LMO1: variants seen among roughly 807,000 people sequenced by gnomAD.
The protein encoded by LMO1 is rhombotin-1.
Under a neutral mutation model 18.0 loss-of-function variants are expected in LMO1, and 10 were observed. The observed-to-expected ratio is 0.55, with a 90% CI of 0.34 to 0.94. The LOEUF (loss-of-function observed/expected upper bound fraction) is 0.94, where lower values mean the gene tolerates loss of function less well. LMO1 is among the 40% of genes least tolerant of loss of function. The pLI is 0.02. For missense variants in LMO1, 183 were observed against 205.7 expected, an observed-to-expected ratio of 0.89 and a Z score of 0.68; for synonymous variants, 77 against 77.9, an observed-to-expected ratio of 0.99 and a Z score of 0.06.
intron 1 of LMO1, among the ~76,000 whole-genome samples, chr11:8,236,338 A>T (rs1345249309): frequency 6.6e-6 from 1 of 151,540 alleles, no homozygotes; most frequent in Admixed American, 6.6e-5. Context: ...CCACAGGCAC[A>T]TACCACCAAG....
chr11:8,240,054 C>A (rs2134548031), intron 1 of LMO1, among the ~76,000 whole-genome samples: 1 of 152,292 alleles, frequency 6.6e-6, no homozygotes, highest in African/African-American at 2.4e-5. Context: ...ACCCTGCCTG[C>A]TGTGTCCCAG....
chr11:8,232,647 C>T (rs759236014), intron 1 of LMO1, among the ~76,000 whole-genome samples: 4 of 152,186 alleles, frequency 2.6e-5, no homozygotes, highest in African/African-American at 9.7e-5. Flanking sequence ...ACAAGGCTCA[C>T]GTTCCTTTTG....
intron 1 of LMO1, among the ~76,000 whole-genome samples, chr11:8,256,240 T>G (rs986691989): frequency 6.6e-6 from 1 of 152,218 alleles, no homozygotes. Context: ...GAGAGCAATG[T>G]CAATTCATAC....
At chr11:8,239,617 C>G (rs1162621144) in intron 1 of LMO1, among the ~76,000 whole-genome samples, 1 of 152,026 alleles carries the variant, frequency 6.6e-6, no homozygotes, top group Non-Finnish European at 1.5e-5. Context: ...AACCAACAGC[C>G]AGGGCCTTGT....
At chr11:8,238,663 T>C (rs1352010558) in intron 1 of LMO1, among the ~76,000 whole-genome samples, 2 of 99,460 alleles carry the variant, frequency 2.0e-5, no homozygotes, top group Non-Finnish European at 1.9e-5. Context: ...AGAGTGAGAC[T>C]CCATCTCAAA....
At chr11:8,228,013 C>G (rs939060168) in intron 2 of LMO1, among the ~76,000 whole-genome samples, 3 of 152,254 alleles carry the variant, frequency 2.0e-5, no homozygotes, top group Non-Finnish European at 2.9e-5. Context: ...GACAAACTCA[C>G]TGTGTTACTT....
In LMO1 at chr11:8,258,102, T is replaced by A. The variant is rs114862984; in HGVS notation, c.25+5236A>T. Among the ~76,000 whole-genome samples, 815 of 152,284 alleles carry A rather than the reference T, an allele frequency of 5.4e-3. 6 individuals are homozygous for A. The highest frequency in any genetic ancestry group is 0.019 in the African/African-American group (779 of 41,548). Reference sequence around the variant, plus strand: ...GTGGACATGGAACACAAAATCACAGTGGACATATTGGACCTACATAGCTTA... The same window carrying A: ...GTGGACATGGAACACAAAATCACAGAGGACATATTGGACCTACATAGCTTA... On this transcript the variant is annotated intron_variant, in intron 1 of 3. Transcript: ENST00000335790.
Position 8,226,793 on chromosome 11 carries a change from T to C in LMO1, c.365+182A>G, listed in dbSNP as rs906139708. ...CAATATTAAAGTGCACACATTTGGC[T>C]ACCGAGCTTACACACACATAAAACA... On this transcript the variant is annotated intron_variant, in intron 3 of 3. Transcript: ENST00000335790. 3 of 1,171,482 alleles carry C rather than the reference T, an allele frequency of 2.6e-6. No homozygotes were observed. The African/African-American group carries it at 4.6e-5, about 18-fold the overall frequency. The allele number at this position is 1,171,482 out of a possible 1,614,324, so 72.6% of individuals were successfully genotyped here.
upstream of LMO1, among the ~76,000 whole-genome samples, chr11:8,265,499 C>G (rs915575247): frequency 1.3e-5 from 2 of 152,194 alleles, no homozygotes; most frequent in Non-Finnish European, 2.9e-5. Flanking sequence ...TGAGATGCCT[C>G]ATCTGCAGCT....
intron 3 of LMO1, 111 bp from the exon 4 acceptor site, chr11:8,224,832 G>C (rs912835869): frequency 5.6e-6 from 4 of 711,026 alleles, no homozygotes; most frequent in Non-Finnish European, 9.9e-6. Flanking sequence ...GGGAGGTGGT[G>C]GGGGGAGTTT....
intron 1 of LMO1, among the ~76,000 whole-genome samples, chr11:8,236,296 T>C (rs1333922999): frequency 1.3e-5 from 2 of 151,726 alleles, no homozygotes; most frequent in Non-Finnish European, 2.9e-5. Flanking sequence ...GCTTAAGCGA[T>C]CCTCCTACCT....
chr11:8,230,311 C>A lies in LMO1; in HGVS notation c.219G>T (p.Leu73=). 1 of 1,613,846 alleles carries A rather than the reference C, an allele frequency of 6.2e-7. No individual in the cohort carries two copies. The highest frequency in any genetic ancestry group is 8.5e-7 in the Non-Finnish European group (1 of 1,179,906). ...CCCACCTCAGGTAGTCGCGTCGGCA[C>A]AGGATGAGGTTGGCCTTGGTGTAGA... ...STLYTKANLI[L]CRRDYLRLFG... is the part of the protein sequence containing the mutation. The change falls in exon 2 of 4, where the codon CTG becomes CTT. Residue 73 remains leucine (L), a synonymous_variant. Coordinates refer to ENST00000335790, the MANE Select transcript of LMO1 (RefSeq NM_002315.3).
chr11:8,255,450 G>A (rs1274620868), intron 1 of LMO1, among the ~76,000 whole-genome samples: 1 of 152,230 alleles, frequency 6.6e-6, no homozygotes, highest in Non-Finnish European at 1.5e-5. Context: ...GCTGCAGGAA[G>A]CTGTGATTGT....
At chr11:8,263,032 G>C (rs1185809755) in intron 1 of LMO1, among the ~76,000 whole-genome samples, 1 of 152,018 alleles carries the variant, frequency 6.6e-6, no homozygotes, top group African/African-American at 2.4e-5. Context: ...GGGAGCCCCA[G>C]CCTCCGCGCG....
At chr11:8,225,661 G>A (rs1262753830) in intron 3 of LMO1, among the ~76,000 whole-genome samples, 1 of 152,114 alleles carries the variant, frequency 6.6e-6, no homozygotes, top group Non-Finnish European at 1.5e-5. Flanking sequence ...GGAAGATTCC[G>A]GTCCTTTCCC....
At chr11:8,228,134 C>T (rs1246274305) in intron 2 of LMO1, among the ~76,000 whole-genome samples, 4 of 152,236 alleles carry the variant, frequency 2.6e-5, no homozygotes, top group East Asian at 1.9e-4. Context: ...CCAAAGGAAG[C>T]GCCAAGGACA....
At chr11:8,264,378 C>A (rs909914279), upstream of LMO1, among the ~76,000 whole-genome samples, 3 of 152,144 alleles carry the variant, frequency 2.0e-5, no homozygotes, top group Admixed American at 2.0e-4. Flanking sequence ...CAAATATTTA[C>A]TGAGCATGTA....
At chr11:8,252,206 C>T (rs976627924) in intron 1 of LMO1, among the ~76,000 whole-genome samples, 9 of 152,168 alleles carry the variant, frequency 5.9e-5, no homozygotes, top group Non-Finnish European at 1.2e-4. Context: ...GTCTTTTCCT[C>T]TCTGGACACA....
upstream of LMO1, among the ~76,000 whole-genome samples, chr11:8,265,024 C>T (rs1847246905): frequency 1.3e-5 from 2 of 152,206 alleles, no homozygotes; most frequent in African/African-American, 4.8e-5. Context: ...TTTTCTTCAG[C>T]CCAAGGAGGG....
Sources: allele counts gnomAD v4.1 joint callset (sites outside exome capture counted in the v4.1 genomes callset), GRCh38; gene constraint gnomAD v4.1.1; transcripts MANE v1.5; gene names NCBI Gene and HGNC (gene_info 2026-07-23, HGNC 2026-07-21).